The following PARVB variants were observed in gnomAD, a reference collection of about 807,000 sequenced individuals.
The protein encoded by PARVB is beta-parvin.
PARVB carries 46 observed loss-of-function variants against 47.0 expected under a neutral mutation model. The ratio of observed to expected loss-of-function variants is 0.98; its 90% CI spans 0.77 to 1.25. PARVB has a LOEUF of 1.25. PARVB is among the 50% of genes most tolerant of loss of function. The probability of loss-of-function intolerance (pLI) is 0.00; values close to 1 mark genes in which losing one functional copy is unlikely to be tolerated. For synonymous variants in PARVB, 196 were observed against 196.3 expected, an observed-to-expected ratio of 1.00 and a Z score of 0.01; for missense variants, 473 against 471.6, an observed-to-expected ratio of 1.00 and a Z score of -0.03.
chr22:44,147,992 G>A (rs967243285), intron 9 of PARVB, 70 bp downstream of exon 9: 23 of 1,169,360 alleles, frequency 2.0e-5, no homozygotes, highest in Admixed American at 3.6e-5. Context: ...CAAACGCCCC[G>A]CTGGGAAGAA....
chr22:44,081,357 AG>A (rs2051895273), intron 1 of PARVB, among the ~76,000 whole-genome samples: 1 of 152,182 alleles, frequency 6.6e-6, no homozygotes, highest in South Asian at 2.1e-4. Flanking sequence ...TCACTTCTGC[AG>A]GGGAGACAGC....
rs924258390 is a variant in PARVB at position 44,094,078 on chromosome 22, T to C, written c.202+61T>C. 14 of 1,035,082 alleles carry C rather than the reference T, an allele frequency of 1.4e-5. No individual in the cohort carries two copies. In the African/African-American group the frequency reaches 1.9e-4, roughly 14 times the overall value. 64.1% of individuals were successfully genotyped at this position (1,035,082 alleles called of 1,614,324 possible). ...TTGAGCTTCCGTGGCACTAAGTTGG[T>C]CTTGGGGAGGCCAATGAGGAGCCCG... is the stretch of plus-strand genomic sequence containing the variant. On this transcript the variant is annotated intron_variant, in intron 2 of 12. Transcript: ENST00000338758.
At chr22:44,090,815 C>T (rs2052149006) in intron 1 of PARVB, among the ~76,000 whole-genome samples, 1 of 152,222 alleles carries the variant, frequency 6.6e-6, no homozygotes, top group South Asian at 2.1e-4. Context: ...TCCTATGATG[C>T]CAGCCAGGAC....
chr22:44,028,896 C>T (rs2050776985), intron 1 of PARVB, among the ~76,000 whole-genome samples: 1 of 152,198 alleles, frequency 6.6e-6, no homozygotes, highest in Non-Finnish European at 1.5e-5. Context: ...TGAAGTGGAG[C>T]ATCTCTTCAG....
intron 1 of PARVB, among the ~76,000 whole-genome samples, chr22:44,077,727 G>A (rs1395552355): frequency 1.3e-5 from 2 of 152,094 alleles, no homozygotes. Flanking sequence ...ATTGGAGGGG[G>A]ATAGTTACTC....
At chr22:44,023,581 AT>A (rs2050680994), upstream of PARVB, among the ~76,000 whole-genome samples, 1 of 149,066 alleles carries the variant, frequency 6.7e-6, no homozygotes. Flanking sequence ...ATAAAATAAA[AT>A]AAAATAAAAT....
At chr22:44,063,582 C>T (rs1387961540) in intron 1 of PARVB, among the ~76,000 whole-genome samples, 4 of 152,044 alleles carry the variant, frequency 2.6e-5, no homozygotes, top group African/African-American at 7.2e-5. Flanking sequence ...CTGTGGTCTC[C>T]GTCCTCAGCG....
At chr22:44,157,286 G>A (rs2053956201) in intron 10 of PARVB, among the ~76,000 whole-genome samples, 1 of 152,136 alleles carries the variant, frequency 6.6e-6, no homozygotes, top group Non-Finnish European at 1.5e-5. Flanking sequence ...CGTGTGCCAG[G>A]TGCTCCCTCC....
chr22:44,146,437 C>T (rs909849), intron 8 of PARVB: 50,158 of 152,302 alleles, frequency 0.33, 8,672 homozygotes, highest in East Asian at 0.64. Flanking sequence ...CATGCTCACA[C>T]GCGCACACAC....
intron 1 of PARVB, among the ~76,000 whole-genome samples, chr22:44,053,435 G>A (rs1488601888): frequency 6.6e-6 from 1 of 152,194 alleles, no homozygotes; most frequent in East Asian, 1.9e-4. Context: ...GGATTCGGCT[G>A]CTGCTCCCTG....
chr22:44,101,752 G>GAAA (rs58386939), intron 3 of PARVB, among the ~76,000 whole-genome samples: 1 of 124,670 alleles, frequency 8.0e-6, no homozygotes, highest in African/African-American at 2.7e-5. Context: ...CCATCTCACA[G>GAAA]AAAAAAAAAA....
At chr22:44,147,399 G>A in intron 8 of PARVB, 8 of 334,694 alleles carry the variant, frequency 2.4e-5, no homozygotes, top group South Asian at 1.9e-4. Flanking sequence ...GGAGTAGGAG[G>A]CTGCAGCTGC....
chr22:44,040,744 G>A (rs1460204896), intron 1 of PARVB, among the ~76,000 whole-genome samples: 2 of 152,156 alleles, frequency 1.3e-5, no homozygotes, highest in Non-Finnish European at 1.5e-5. Flanking sequence ...GGCCGGGCGC[G>A]GTGGCTCACG....
chr22:44,150,320 G>A (rs572487826), intron 9 of PARVB: 2 of 152,200 alleles, frequency 1.3e-5, no homozygotes, highest in East Asian at 3.9e-4. Context: ...GTGCCCCTTG[G>A]TACTTACATA....
rs1326700881 is a variant in PARVB at position 44,049,434 on chromosome 22, G to A, written c.112+24983G>A. Among the ~76,000 whole-genome samples the A allele has an allele frequency of 6.6e-6, 1 of 152,232 alleles. No homozygotes were observed. The highest frequency in any genetic ancestry group is 1.9e-4 in the East Asian group (1 of 5,200). On this transcript the variant is annotated intron_variant, in intron 1 of 12. Transcript: ENST00000338758. The surrounding 1 kb of genome is among the most constrained non-coding windows in gnomAD (Gnocchi z 4.0). The stretch of plus-strand genomic sequence containing the variant: ...ATTAAATTTGAGGTTCGTTTCTCAA[G>A]TTTAGCTCTTGTCTGATTAAATTTG...
chr22:44,011,075 C>T (rs556939460), intron 2 of PARVB, among the ~76,000 whole-genome samples: 4 of 152,192 alleles, frequency 2.6e-5, no homozygotes, highest in South Asian at 2.1e-4. Flanking sequence ...CCTCCCGCCT[C>T]GGCCTCCCAA....
intron 1 of PARVB, among the ~76,000 whole-genome samples, chr22:44,054,668 T>C (rs1454836573): frequency 1.3e-5 from 2 of 152,180 alleles, no homozygotes; most frequent in Non-Finnish European, 2.9e-5. Context: ...GTGAATGTCC[T>C]TAGTGCCACT....
intron 7 of PARVB, 67 bp from the exon 8 acceptor site, chr22:44,140,057 T>TTCTGGCTGGCTCTGTCCCTCATCCTCCA: frequency 7.5e-6 from 12 of 1,596,336 alleles, no homozygotes; most frequent in Non-Finnish European, 9.5e-6. Context: ...CATCCTCCAT[T>TTCTGGCTGGCTCTGTCCCTCATCCTCCA]GTGCTGCTTG....
At chr22:44,062,875 C>T (rs545098392) in intron 1 of PARVB, among the ~76,000 whole-genome samples, 5 of 151,848 alleles carry the variant, frequency 3.3e-5, no homozygotes, top group South Asian at 4.2e-4. Context: ...GGGATTTTTA[C>T]GGAGGCTTCA....
Sources: allele counts gnomAD v4.1 joint callset (sites outside exome capture counted in the v4.1 genomes callset), GRCh38; gene constraint gnomAD v4.1.1; non-coding constraint Gnocchi (gnomAD v3.1); transcripts MANE v1.5; gene names NCBI Gene and HGNC (gene_info 2026-07-23, HGNC 2026-07-21).